The following PARD3 variants were observed in gnomAD, a reference collection of about 807,000 sequenced individuals.
PARD3 encodes par-3 family cell polarity regulator, also known as partitioning defective 3 homolog.
In PARD3, 75 loss-of-function variants were observed where a neutral mutation model predicts 155.4. The observed-to-expected ratio is 0.48, with a 90% CI of 0.40 to 0.58. PARD3 has a LOEUF of 0.58. Ranked by LOEUF, PARD3 falls within the 20% of genes least tolerant of loss-of-function variation. The probability of loss-of-function intolerance (pLI) is 0.00; values close to 1 mark genes in which losing one functional copy is unlikely to be tolerated. For synonymous variants in PARD3, 576 were observed against 610.5 expected (o/e 0.94, Z 0.83); for missense variants, 1,642 against 1,721.7 (o/e 0.95, Z 0.82).
intron 22 of PARD3, among the ~76,000 whole-genome samples, chr10:34,140,396 G>C (rs56756902): frequency 0.02 from 3,067 of 152,292 alleles, 105 homozygotes; most frequent in African/African-American, 0.07. Context: ...CACGGTACCT[G>C]TTCAAAGCAC....
chr10:34,736,033 T>C (rs926807565), intron 1 of PARD3, among the ~76,000 whole-genome samples: 8 of 152,058 alleles, frequency 5.3e-5, no homozygotes, highest in Admixed American at 3.3e-4. Context: ...TTGTTACTTT[T>C]TTTTTTCTTT....
At chr10:34,650,295 A>G (rs988852357) in intron 2 of PARD3, among the ~76,000 whole-genome samples, 2 of 152,240 alleles carry the variant, frequency 1.3e-5, no homozygotes, top group Non-Finnish European at 2.9e-5. Flanking sequence ...TAAGGACTGC[A>G]CTGCAGGTCG....
At chr10:34,150,237 T>C (rs186025071) in intron 22 of PARD3, among the ~76,000 whole-genome samples, 4 of 152,260 alleles carry the variant, frequency 2.6e-5, no homozygotes. Flanking sequence ...CTCAATACGA[T>C]GAAGAATAAG....
intron 1 of PARD3, among the ~76,000 whole-genome samples, chr10:34,714,962 C>T (rs1327298264): frequency 6.6e-6 from 1 of 151,602 alleles, no homozygotes; most frequent in African/African-American, 2.4e-5. Flanking sequence ...TTTGTAGAGA[C>T]GGCGTCTCAC....
intron 2 of PARD3, among the ~76,000 whole-genome samples, chr10:34,601,902 T>C (rs11595665): frequency 0.059 from 8,944 of 152,208 alleles, 327 homozygotes; most frequent in Non-Finnish European, 0.082. Context: ...CGGGAAAAAA[T>C]TGCAATTCCT....
rs191923165 is a variant in PARD3, at chr10:34,190,596, C to T, written c.3420-59013G>A. ...GGCCACAAAGTTTGAGAAACACTGC[C>T]GTAGTCTTATCTCTGGGCACCTTCT... is the stretch of plus-strand genomic sequence containing the variant. On this transcript the variant is annotated intron_variant, in intron 22 of 24. Coordinates refer to ENST00000374788, the MANE Select transcript of PARD3 (RefSeq NM_001184785.2). Among the ~76,000 whole-genome samples the T allele has an allele frequency of 3.7e-3, 556 of 152,194 alleles. 11 individuals are homozygous for T. The highest frequency in any genetic ancestry group is 0.034 in the Admixed American group (516 of 15,290).
At chr10:34,674,637 C>T (rs1270820959) in intron 2 of PARD3, among the ~76,000 whole-genome samples, 1 of 152,046 alleles carries the variant, frequency 6.6e-6, no homozygotes, top group African/African-American at 2.4e-5. Context: ...CAGACGCCTG[C>T]CACCATGCCC....
rs1269074040 is a variant in PARD3 at position 34,733,948 on chromosome 10, G to A, written c.121-37529C>T. ...CTTCTGCGAAAGTAAAATCAAAGCTGTTTTTTTTTTTTTACCATAAGCAGT... is the reference window on the plus strand; with the variant it reads ...CTTCTGCGAAAGTAAAATCAAAGCTATTTTTTTTTTTTTACCATAAGCAGT... On this transcript the variant is annotated intron_variant, in intron 1 of 24. Coordinates refer to ENST00000374788, the MANE Select transcript of PARD3 (RefSeq NM_001184785.2). Among the ~76,000 whole-genome samples, 4 of 144,906 alleles carry A rather than the reference G, an allele frequency of 2.8e-5. No individual in the cohort carries two copies. The South Asian group carries it at 8.9e-4, about 32-fold the overall frequency.
chr10:34,701,359 G>GTTGTTA (rs1295973636), intron 1 of PARD3, among the ~76,000 whole-genome samples: 1 of 151,990 alleles, frequency 6.6e-6, no homozygotes, highest in Non-Finnish European at 1.5e-5. Context: ...TGTTGTTGTT[G>GTTGTTA]TTGTTGTTGT....
At chr10:34,600,688 C>A (rs1000496501) in intron 2 of PARD3, among the ~76,000 whole-genome samples, 1 of 152,146 alleles carries the variant, frequency 6.6e-6, no homozygotes, top group Non-Finnish European at 1.5e-5. Context: ...CACATACTAG[C>A]AATTTCAAAC....
intron 3 of PARD3, among the ~76,000 whole-genome samples, 200 bp from the exon 4 acceptor site, chr10:34,470,463 C>T (rs531523118): frequency 1.3e-5 from 2 of 152,250 alleles, no homozygotes; most frequent in African/African-American, 4.8e-5. Context: ...GGTCAAGTGT[C>T]GGCTCCGAGC....
chr10:34,455,527 G>C (rs2077287197), intron 4 of PARD3, among the ~76,000 whole-genome samples: 1 of 151,774 alleles, frequency 6.6e-6, no homozygotes, highest in Non-Finnish European at 1.5e-5. Flanking sequence ...GTCTCGCTCT[G>C]TTGCCGAGGC....
rs571245671 is a variant in PARD3, at chr10:34,439,279, A to G, written c.714+11038T>C. Among the ~76,000 whole-genome samples the G allele has an allele frequency of 2.6e-5, 4 of 152,202 alleles. No individual in the cohort carries two copies. The East Asian group carries it at 7.7e-4, about 29-fold the overall frequency. On this transcript the variant is annotated intron_variant, in intron 5 of 24. Transcript: ENST00000374788. ...GTTAATGAATTACTTCGGAGAATTA[A>G]AGGGCTTACTAAAGGTAGGAAAAGA... is the stretch of plus-strand genomic sequence containing the variant.
chr10:34,691,629 G>A (rs983243107), intron 2 of PARD3, among the ~76,000 whole-genome samples: 8 of 152,184 alleles, frequency 5.3e-5, no homozygotes, highest in African/African-American at 1.9e-4. Flanking sequence ...AGCCTGAATA[G>A]CCAAGGCAAT....
At chr10:34,237,418 T>C (rs942848980) in intron 22 of PARD3, among the ~76,000 whole-genome samples, 5 of 152,212 alleles carry the variant, frequency 3.3e-5, no homozygotes, top group Non-Finnish European at 7.4e-5. Flanking sequence ...TTCTTATTTA[T>C]TTAGTTAAGG....
chr10:34,551,597 G>A (rs2084568984), intron 2 of PARD3, among the ~76,000 whole-genome samples: 1 of 152,164 alleles, frequency 6.6e-6, no homozygotes, highest in Non-Finnish European at 1.5e-5. Context: ...TCCTGCCTGG[G>A]ACCAAAACTA....
At chr10:34,673,252 A>AT (rs1192888646) in intron 2 of PARD3, among the ~76,000 whole-genome samples, 1 of 152,200 alleles carries the variant, frequency 6.6e-6, no homozygotes. Context: ...GGAGAGCATG[A>AT]TTTTGGGAGA....
At chr10:34,606,965 TAAAAA>T (rs531578595) in intron 2 of PARD3, among the ~76,000 whole-genome samples, 9 of 114,822 alleles carry the variant, frequency 7.8e-5, no homozygotes, top group African/African-American at 2.6e-4. Flanking sequence ...GACTCTGTCT[TAAAAA>T]AAAAAAAAAA....
chr10:34,318,527 A>G (rs990867090), intron 19 of PARD3, among the ~76,000 whole-genome samples: 3 of 152,166 alleles, frequency 2.0e-5, no homozygotes, highest in African/African-American at 7.2e-5. Flanking sequence ...CCTCAGTAAA[A>G]TTCAGTCCTT....
Sources: gnomAD v4.1 joint callset for allele counts (sites outside exome capture counted in the v4.1 genomes callset) on GRCh38, gnomAD v4.1.1 for gene constraint, MANE v1.5 for transcripts, NCBI Gene and HGNC (gene_info 2026-07-23, HGNC 2026-07-21) for gene names.